UNC79: variants seen among roughly 807,000 people sequenced by gnomAD.
UNC79 encodes the protein protein unc-79 homolog.
A neutral mutation model predicts 283.1 loss-of-function variants in UNC79; 37 were observed. The observed-to-expected ratio is 0.13, with a 90% confidence interval of 0.10 to 0.17. UNC79 has a LOEUF of 0.17. UNC79 is among the 10% of genes least tolerant of loss of function. The pLI, the probability that UNC79 is intolerant of heterozygous loss-of-function variation, is 1.00. For synonymous variants in UNC79, 1,107 were observed against 1,200.2 expected (o/e 0.92, Z 1.61); for missense variants, 2,272 against 3,211.1 (o/e 0.71, Z 7.07).
intron 1 of UNC79, among the ~76,000 whole-genome samples, chr14:93,461,698 T>C (rs902586717): frequency 5.9e-5 from 9 of 152,142 alleles, no homozygotes; most frequent in Non-Finnish European, 1.5e-5. Flanking sequence ...ACTGTTCACT[T>C]AGAAAAGACA....
chr14:93,556,812 G>T (rs888880699), intron 14 of UNC79, among the ~76,000 whole-genome samples: 1 of 151,884 alleles, frequency 6.6e-6, no homozygotes, highest in Non-Finnish European at 1.5e-5. Context: ...TTACCATAGA[G>T]CTCTTTAAAA....
chr14:93,651,313 T>G (rs949602982), intron 35 of UNC79, among the ~76,000 whole-genome samples: 1 of 152,210 alleles, frequency 6.6e-6, no homozygotes, highest in African/African-American at 2.4e-5. Flanking sequence ...CTTGTCATTC[T>G]TATCAAAAAA....
intron 1 of UNC79, among the ~76,000 whole-genome samples, chr14:93,438,293 A>T (rs1241051766): frequency 3.3e-5 from 5 of 152,126 alleles, no homozygotes; most frequent in African/African-American, 1.2e-4. Context: ...TATATATTTC[A>T]TCAACTTGTC....
chr14:93,577,783 T>C, intron 17 of UNC79, 59 bp from the exon 18 acceptor site: 1 of 1,558,436 alleles, frequency 6.4e-7, no homozygotes, highest in South Asian at 1.1e-5. Context: ...CCGAATATTT[T>C]ACACAGCAAT....
At chr14:93,463,472 T>G (rs1381716637) in intron 1 of UNC79, among the ~76,000 whole-genome samples, 1 of 152,154 alleles carries the variant, frequency 6.6e-6, no homozygotes, top group Non-Finnish European at 1.5e-5. Context: ...TTTCTTTCCC[T>G]TCGACAAGAG....
intron 1 of UNC79, among the ~76,000 whole-genome samples, chr14:93,373,077 A>G (rs1311078120): frequency 6.6e-6 from 1 of 152,258 alleles, no homozygotes; most frequent in Non-Finnish European, 1.5e-5. Flanking sequence ...CATGAGTCAA[A>G]GAGGAAATCT....
At chr14:93,538,199 G>A (rs1443953731) in exon 12 of UNC79, 1 of 1,597,740 alleles carries the variant, frequency 6.3e-7, no homozygotes, top group East Asian at 2.2e-5. Context: ...GCTGGTCTGC[G>A]CCGTGGAAGC....
rs537150876 is a variant in UNC79, at chr14:93,530,427, AC to A, written c.1093+1102del. Among the ~76,000 whole-genome samples the A allele has an allele frequency of 9.3e-4, 139 of 148,828 alleles. 1 individual carries two copies. The highest frequency in any genetic ancestry group is 3.3e-3 in the African/African-American group (134 of 40,322). On this transcript the variant is annotated intron_variant, in intron 10 of 48. Coordinates refer to ENST00000555664, the Ensembl canonical transcript of UNC79. ...CTCTACTAAAAATACAAACAAACAA[AC>A]AAAAAATTTAGGAGGGCAGGAGAGA...
chr14:93,482,268 T>C (rs1487165545), intron 4 of UNC79, among the ~76,000 whole-genome samples: 1 of 152,188 alleles, frequency 6.6e-6, no homozygotes, highest in East Asian at 1.9e-4. Flanking sequence ...GTTTGTTGTA[T>C]AATAAAAATA....
At chr14:93,471,621 A>G (rs184465575) in intron 2 of UNC79, among the ~76,000 whole-genome samples, 1 of 151,980 alleles carries the variant, frequency 6.6e-6, no homozygotes, top group Non-Finnish European at 1.5e-5. Context: ...TCATAAAATC[A>G]CAATGCATTG....
chr14:93,540,793 G>T (rs748303152), exon 13 of UNC79: 1 of 1,613,354 alleles, frequency 6.2e-7, no homozygotes, highest in South Asian at 1.1e-5. Context: ...TGATAAACAC[G>T]ATCAGAGGCT....
intron 1 of UNC79, among the ~76,000 whole-genome samples, chr14:93,383,150 C>T (rs2054698883): frequency 1.3e-5 from 2 of 152,066 alleles, no homozygotes. Flanking sequence ...ATACTGGGAC[C>T]GTTTTGGGTC....
At chr14:93,579,407 G>T (rs989004159) in intron 18 of UNC79, among the ~76,000 whole-genome samples, 4 of 152,196 alleles carry the variant, frequency 2.6e-5, no homozygotes, top group Non-Finnish European at 5.9e-5. Flanking sequence ...TGACAGTCGA[G>T]TGATAATTTT....
chr14:93,538,279 C>G (rs2141143042), intron 12 of UNC79, 61 bp downstream of exon 12: 1 of 1,449,466 alleles, frequency 6.9e-7, no homozygotes, highest in Middle Eastern at 2.5e-4. Flanking sequence ...AGCTAAGCTC[C>G]GCACACTGAG....
chr14:93,396,136 C>G (rs928288277), intron 1 of UNC79, among the ~76,000 whole-genome samples: 1 of 151,528 alleles, frequency 6.6e-6, no homozygotes, highest in Non-Finnish European at 1.5e-5. Flanking sequence ...CAAGTTCATT[C>G]ATTTTTTTTT....
At chr14:93,397,208 T>G (rs1015438179) in intron 1 of UNC79, 1 of 152,220 alleles carries the variant, frequency 6.6e-6, no homozygotes, top group African/African-American at 2.4e-5. Flanking sequence ...TAATAAGTTC[T>G]GATAACCCAC....
chr14:93,598,719 G>T lies in UNC79; in HGVS notation c.3372+1179G>T, dbSNP rs993873640. 3.9e-5 allele frequency among the ~76,000 whole-genome samples: 6 copies of T among 152,194 alleles called. 1 individual carries two copies. Among genetic ancestry groups the T allele is most frequent in the Admixed American group, 3.9e-4 (6 of 15,284 alleles). On this transcript the variant is annotated intron_variant, in intron 24 of 48. Coordinates refer to ENST00000555664, the Ensembl canonical transcript of UNC79. ...GTATTTTTAGTAAAGACAGGGTTTT[G>T]CTATGTTGGCCAGGCTGGTCTCGAA...
At chr14:93,586,781 C>A (rs2064252046) in exon 22 of UNC79, 1 of 1,613,852 alleles carries the variant, frequency 6.2e-7, no homozygotes, top group South Asian at 1.1e-5. Context: ...GTTTGAAGAG[C>A]CAGACATTCT....
At chr14:93,346,626 G>A (rs928179742) in intron 1 of UNC79, among the ~76,000 whole-genome samples, 1 of 152,182 alleles carries the variant, frequency 6.6e-6, no homozygotes, top group Non-Finnish European at 1.5e-5. Flanking sequence ...TCAGTGTTAA[G>A]AATTAACCTA....
Sources: allele counts gnomAD v4.1 joint callset (sites outside exome capture counted in the v4.1 genomes callset), GRCh38; gene constraint gnomAD v4.1.1; transcripts MANE v1.5; gene names NCBI Gene and HGNC (gene_info 2026-07-23, HGNC 2026-07-21).